The following MTPAP variants were observed in gnomAD, a reference collection of about 807,000 sequenced individuals.
The protein encoded by MTPAP is mitochondrial poly(A) polymerase, also known as poly(A) RNA polymerase, mitochondrial.
A neutral mutation model predicts 48.7 loss-of-function variants in MTPAP; 23 were observed. That is an observed-to-expected ratio of 0.47 (90% CI 0.34 to 0.67). The LOEUF is 0.67. Ranked by LOEUF, MTPAP falls within the 30% of genes least tolerant of loss-of-function variation. The pLI is 0.01. For synonymous variants in MTPAP, 257 were observed against 254.1 expected, an observed-to-expected ratio of 1.01 and a Z score of -0.11; for missense variants, 614 against 694.3, an observed-to-expected ratio of 0.88 and a Z score of 1.30.
chr10:30,314,884 C>CAAAAAAAAAAAAAAAAAAAAAAAAAA (rs34249388), intron 8 of MTPAP, among the ~76,000 whole-genome samples: 4 of 110,746 alleles, frequency 3.6e-5, no homozygotes, highest in Admixed American at 1.1e-4. Flanking sequence ...AAAACAAAAA[C>CAAAAAAAAAAAAAAAAAAAAAAAAAA]AAAAAAAAAA....
At chr10:30,314,002 G>T in intron 8 of MTPAP, 31 bp from the exon 9 acceptor site, 1 of 1,605,780 alleles carries the variant, frequency 6.2e-7, no homozygotes, top group Non-Finnish European at 8.5e-7. Context: ...GAAAAAATGA[G>T]TAAGTACATG....
chr10:30,327,456 A>C (rs1834611079), intron 4 of MTPAP, among the ~76,000 whole-genome samples: 1 of 151,824 alleles, frequency 6.6e-6, no homozygotes, highest in African/African-American at 2.4e-5. Context: ...CCAAGATCAC[A>C]CTACTGTACT....
Position 30,316,183 on chromosome 10 carries a change from C to A in MTPAP, c.1247G>T (p.Gly416Val). The A allele has an allele frequency of 6.2e-7, 1 of 1,613,660 alleles. No homozygotes were observed. Among genetic ancestry groups the A allele is most frequent in the Non-Finnish European group, 8.5e-7 (1 of 1,179,736 alleles). Residue 416 changes from glycine (G) to valine (V), a missense_variant, in exon 7 of 9, where the codon GGC (glycine) becomes GTC (valine). Physicochemically the swap from Gly to Val is moderately radical, Grantham distance 109 (BLOSUM62 -3). Transcript: ENST00000263063. Reference sequence around the variant, plus strand: ...GTCACGAACAAATGTGCAGTTGTTGCCTTCTATTACACATTTATCTTCTGC... The same window carrying A: ...GTCACGAACAAATGTGCAGTTGTTGACTTCTATTACACATTTATCTTCTGC... ...ADAEDKCVIEGNNCTFVRDLS... is the reference protein window; with the variant it reads ...ADAEDKCVIEVNNCTFVRDLS...
chr10:30,310,522 G>T lies in MTPAP; in HGVS notation c.*3087C>A, dbSNP rs1182880691. ...AATCACCTGAACCCGGGAAGTGGAG[G>T]TTTCAGTGAGCCAAGATCACTGCAC... On this transcript the variant is annotated 3_prime_UTR_variant, in exon 9 of 9. Transcript: ENST00000263063. 1 of 150,072 alleles carries T rather than the reference G, an allele frequency of 6.7e-6. No individual in the cohort carries two copies. Among genetic ancestry groups the T allele is most frequent in the Non-Finnish European group, 1.5e-5 (1 of 67,766 alleles). The allele number at this position is 150,072 out of a possible 1,614,324, so 9.3% of individuals were successfully genotyped here.
chr10:30,346,590 C>CA (rs1834876017), intron 1 of MTPAP, among the ~76,000 whole-genome samples: 1 of 152,158 alleles, frequency 6.6e-6, no homozygotes, highest in African/African-American at 2.4e-5. Context: ...GGTATCACTG[C>CA]AGGTGAAAAA....
intron 1 of MTPAP, among the ~76,000 whole-genome samples, chr10:30,343,220 G>A (rs933317883): frequency 6.6e-6 from 1 of 151,946 alleles, no homozygotes; most frequent in Non-Finnish European, 1.5e-5. Context: ...AGACGGAGGT[G>A]GGCGGATCAC....
chr10:30,328,352 G>A (rs1300721051), intron 4 of MTPAP, among the ~76,000 whole-genome samples: 1 of 152,208 alleles, frequency 6.6e-6, no homozygotes, highest in Non-Finnish European at 1.5e-5. Flanking sequence ...GTTGATGGGA[G>A]TGTAAACAAG....
chr10:30,348,220 A>G (rs1446276801), intron 1 of MTPAP, among the ~76,000 whole-genome samples: 3 of 152,242 alleles, frequency 2.0e-5, no homozygotes, highest in Non-Finnish European at 2.9e-5. Flanking sequence ...AATGAAATAC[A>G]TAAAGATTTC....
chr10:30,324,504 T>C (rs537821230), intron 5 of MTPAP, among the ~76,000 whole-genome samples: 3 of 152,088 alleles, frequency 2.0e-5, no homozygotes, highest in African/African-American at 7.2e-5. Context: ...CAGTGAGCTA[T>C]GATCACACTA....
chr10:30,322,115 T>C (rs1213155630), intron 6 of MTPAP, among the ~76,000 whole-genome samples: 3 of 152,192 alleles, frequency 2.0e-5, no homozygotes. Flanking sequence ...AAAAAGGTCA[T>C]TCTAGACTTG....
chr10:30,333,016 G>C (rs1326040087), intron 4 of MTPAP, among the ~76,000 whole-genome samples: 1 of 152,056 alleles, frequency 6.6e-6, no homozygotes, highest in South Asian at 2.1e-4. Context: ...AGCTACTCGG[G>C]AGGCTGAGGC....
In MTPAP at chr10:30,340,374, G is replaced by T. The variant is rs771402747; in HGVS notation, c.407C>A (p.Thr136Lys). The T allele has an allele frequency of 4.3e-6, 7 of 1,614,030 alleles. No homozygotes were observed. Among genetic ancestry groups the T allele is most frequent in the African/African-American group, 1.3e-5 (1 of 74,926 alleles). Residue 136 changes from threonine (T) to lysine (K), a missense_variant, in exon 3 of 9, where the codon ACG becomes AAG. By Grantham distance (78) the Thr-to-Lys change is moderately conservative. Coordinates refer to ENST00000263063, the MANE Select transcript of MTPAP (RefSeq NM_018109.4). The stretch of plus-strand genomic sequence containing the variant: ...GAATGGAATTGCAGTCTCCATGGCC[G>T]TGCTTGGAGTATGAGTCCCATTCTG... ...SLQNGTHTPS[T>K]AMETAIPFRS...
intron 4 of MTPAP, among the ~76,000 whole-genome samples, chr10:30,333,711 T>A (rs1427615804): frequency 6.6e-6 from 1 of 152,100 alleles, no homozygotes; most frequent in Non-Finnish European, 1.5e-5. Context: ...ACTCAGGAGT[T>A]CGAGACCACC....
chr10:30,339,180 TGAACACA>T (rs1420722190), intron 3 of MTPAP, among the ~76,000 whole-genome samples: 1 of 148,802 alleles, frequency 6.7e-6, no homozygotes, highest in African/African-American at 2.5e-5. Flanking sequence ...AAACAATATT[TGAACACA>T]GAAGAGACAG....
At chr10:30,348,995 A>T in intron 1 of MTPAP, 124 bp downstream of exon 1, 1 of 1,404,384 alleles carries the variant, frequency 7.1e-7, no homozygotes, top group Non-Finnish European at 9.9e-7. Context: ...AGGAGAGGAC[A>T]GGACACAGCC....
At chr10:30,348,097 C>T (rs1564525538) in intron 1 of MTPAP, among the ~76,000 whole-genome samples, 2 of 152,156 alleles carry the variant, frequency 1.3e-5, no homozygotes, top group Non-Finnish European at 2.9e-5. Flanking sequence ...AACACCCATA[C>T]AAATGTTAAA....
Position 30,310,835 on chromosome 10 carries a change from G to A in MTPAP, c.*2774C>T, listed in dbSNP as rs1048492457. 7 of 151,518 alleles carry A rather than the reference G, an allele frequency of 4.6e-5. No individual in the cohort carries two copies. Among genetic ancestry groups the A allele is most frequent in the African/African-American group, 1.7e-4 (7 of 41,136 alleles). The allele number at this position is 151,518 out of a possible 1,614,324, so 9.4% of individuals were successfully genotyped here. ...TATCGCTTGAACCCAGGAGGCAGAG[G>A]TTGCAGTGAGCCGAGATCGCACCAC... On this transcript the variant is annotated 3_prime_UTR_variant, in exon 9 of 9. Coordinates refer to ENST00000263063, the MANE Select transcript of MTPAP (RefSeq NM_018109.4).
At chr10:30,344,997 C>T (rs1279056049) in intron 1 of MTPAP, among the ~76,000 whole-genome samples, 3 of 152,220 alleles carry the variant, frequency 2.0e-5, no homozygotes, top group Admixed American at 6.5e-5. Flanking sequence ...AGCCATGGCG[C>T]CCGGCCCAAA....
At chr10:30,343,555 T>C (rs925069176) in intron 1 of MTPAP, among the ~76,000 whole-genome samples, 2 of 151,846 alleles carry the variant, frequency 1.3e-5, no homozygotes, top group African/African-American at 4.8e-5. Context: ...AAACCCACTA[T>C]CTTACTATCT....
Sources: allele counts gnomAD v4.1 joint callset (sites outside exome capture counted in the v4.1 genomes callset), GRCh38; gene constraint gnomAD v4.1.1; transcripts MANE v1.5; gene names NCBI Gene and HGNC (gene_info 2026-07-23, HGNC 2026-07-21).